Variants in FOXD1 observed in about 807,000 individuals in gnomAD.
FOXD1 encodes the protein forkhead box protein D1.
Under a neutral mutation model 2.0 loss-of-function variants are expected in FOXD1, and 4 were observed. That is an observed-to-expected ratio of 2.03 (90% CI 1.00 to 4.64). The LOEUF (loss-of-function observed/expected upper bound fraction) is 4.64, where lower values mean the gene tolerates loss of function less well. Among genes scored for constraint, FOXD1 ranks in the 30% most tolerant of loss-of-function variants. The probability of loss-of-function intolerance (pLI) is 0.01; values close to 1 mark genes in which losing one functional copy is unlikely to be tolerated. For missense variants in FOXD1, 586 were observed against 647.6 expected, an observed-to-expected ratio of 0.90 and a Z score of 1.03; for synonymous variants, 354 against 328.5, an observed-to-expected ratio of 1.08 and a Z score of -0.84.
chr5:73,448,534 C>A lies in FOXD1; in HGVS notation c.-172G>T. The A allele has an allele frequency of 4.7e-6, 1 of 213,606 alleles. No individual in the cohort carries two copies. Among genetic ancestry groups the A allele is most frequent in the Non-Finnish European group, 8.0e-6 (1 of 124,536 alleles). 13.2% of individuals were successfully genotyped at this position (213,606 alleles called of 1,614,324 possible). A position where few individuals can be genotyped will look rare whatever the true frequency, so the allele number is the denominator to read the frequency against. ...GGGCTGCCGGGTGGCGGCGGAGTCTCGCGCGCCGACTTTATAACTCCTGCG... is the reference window on the plus strand; with the variant it reads ...GGGCTGCCGGGTGGCGGCGGAGTCTAGCGCGCCGACTTTATAACTCCTGCG... On this transcript the variant is annotated 5_prime_UTR_variant, in exon 1 of 1. Transcript: ENST00000615637.
rs1166104579 is a variant in FOXD1 at position 73,446,399 on chromosome 5, A to G, written c.*566T>C. On this transcript the variant is annotated 3_prime_UTR_variant, in exon 1 of 1. Coordinates refer to ENST00000615637, the MANE Select transcript of FOXD1 (RefSeq NM_004472.3). ...ATACGCAGTAAGTACAAAAAAATCC[A>G]CACGTCTGTTATGATACAAAACACA... 6.5e-6 allele frequency: 1 copy of G among 152,986 alleles called. No individual in the cohort carries two copies. Among genetic ancestry groups the G allele is most frequent in the Non-Finnish European group, 1.5e-5 (1 of 68,306 alleles). 9.5% of individuals were successfully genotyped at this position (152,986 alleles called of 1,614,324 possible). A position where few individuals can be genotyped will look rare whatever the true frequency, so the allele number is the denominator to read the frequency against.
rs1032333106 is a variant in FOXD1, at chr5:73,448,488, G to T, written c.-126C>A. ...GCGCCACGCTGGGGGCGCTGCGACT[G>T]CGGCTGCCGGAGCTGCGCCGGGGCT... On this transcript the variant is annotated 5_prime_UTR_variant, in exon 1 of 1. Transcript: ENST00000615637. 1.9e-4 allele frequency: 93 copies of T among 477,832 alleles called. No homozygotes were observed. The highest frequency in any genetic ancestry group is 3.2e-4 in the Admixed American group (5 of 15,538). The allele number at this position is 477,832 out of a possible 1,614,324, so 29.6% of individuals were successfully genotyped here. A position where few individuals can be genotyped will look rare whatever the true frequency, so the allele number is the denominator to read the frequency against.
chr5:73,448,193 C>A lies in FOXD1; in HGVS notation c.170G>T (p.Arg57Leu). The change falls in exon 1 of 1, where the codon CGC becomes CTC. Residue 57 changes from arginine to leucine, a missense_variant. Transcript: ENST00000615637. ...AVPAQRRRRR[R>L]SYAGEDELED... is the part of the protein sequence containing the mutation. ...CAGCTCGTCCTCCCCGGCGTACGAGCGCCGCCGCCGCCGCCGCTGCGCGGG... is the reference window on the plus strand; with the variant it reads ...CAGCTCGTCCTCCCCGGCGTACGAGAGCCGCCGCCGCCGCCGCTGCGCGGG... 7.2e-7 allele frequency: 1 copy of A among 1,383,438 alleles called. No homozygotes were observed. The highest frequency in any genetic ancestry group is 9.5e-7 in the Non-Finnish European group (1 of 1,056,086). The allele number at this position is 1,383,438 out of a possible 1,614,324, so 85.7% of individuals were successfully genotyped here. A position where few individuals can be genotyped will look rare whatever the true frequency, so the allele number is the denominator to read the frequency against.
chr5:73,447,021 G>A lies in FOXD1; in HGVS notation c.1342C>T (p.Gln448Ter), dbSNP rs537272600. ...SSSAALGTLH[Q>*]GTALSSVENF... ...TCGACACTGGACAGGGCAGTCCCTTGGTGCAGAGTCCCCAAGGCGGCGGAC... is the reference window on the plus strand; with the variant it reads ...TCGACACTGGACAGGGCAGTCCCTTAGTGCAGAGTCCCCAAGGCGGCGGAC... Residue 448 changes from glutamine (Q) to a stop codon, truncating the protein, a stop_gained, in exon 1 of 1, where the codon CAA becomes TAA. Transcript: ENST00000615637. LOFTEE classifies it high-confidence loss of function. This position sits in a 1 kb window ranked among gnomAD's most constrained non-coding sequence, Gnocchi z 7.8. 6 of 1,546,446 alleles carry A rather than the reference G, an allele frequency of 3.9e-6. No individual in the cohort carries two copies. The East Asian group carries it at 1.2e-4, about 32-fold the overall frequency.
rs1213843994 is a variant in FOXD1, at chr5:73,447,421, TGGCGGGGGC to T, written c.933_941del (p.Pro313_Pro315del). ...CCAGCTCGGCGGCCGCGCCGTGCGG[TGGCGGGGGC>T]GGCGGGGGCGAGTGCGGGTGGAAGG... On this transcript the variant is annotated inframe_deletion, in exon 1 of 1. Coordinates refer to ENST00000615637, the MANE Select transcript of FOXD1 (RefSeq NM_004472.3). This position sits in a 1 kb window ranked among gnomAD's most constrained non-coding sequence, Gnocchi z 7.8. 1.4e-5 allele frequency: 14 copies of T among 976,652 alleles called. No homozygotes were observed. Among genetic ancestry groups the T allele is most frequent in the Admixed American group, 6.4e-5 (1 of 15,592 alleles). The allele number at this position is 976,652 out of a possible 1,614,324, so 60.5% of individuals were successfully genotyped here.
rs1361327227 is a variant in FOXD1, at chr5:73,447,283, C to G, written c.1080G>C (p.Ser360=). 6 of 988,522 alleles carry G rather than the reference C, an allele frequency of 6.1e-6. No homozygotes were observed. The highest frequency in any genetic ancestry group is 7.2e-6 in the Non-Finnish European group (6 of 834,488). 61.2% of individuals were successfully genotyped at this position (988,522 alleles called of 1,614,324 possible). Residue 360 remains serine (S), a synonymous_variant, in exon 1 of 1, where the codon TCG becomes TCC. Coordinates refer to ENST00000615637, the MANE Select transcript of FOXD1 (RefSeq NM_004472.3). The surrounding 1 kb of genome is among the most constrained non-coding windows in gnomAD (Gnocchi z 7.8). ...CGATGATGCTCTCGATGGAGAAGGG[C>G]GAGCGCGCCAGCGCTGAGGCGCCCG... The part of the protein sequence containing the change: ...GGPGASALAR[S]PFSIESIIGG...
At position 73,447,195 on chromosome 5, in the gene FOXD1, C is replaced by T. The variant is rs1745514862; in HGVS notation, c.1168G>A (p.Ala390Thr). ...AAAQAAAAAQ[A>T]SPSPSPVAAP... ...GCCACCGGCGAGGGCGAGGGCGAGG[C>T]CTGAGCGGCGGCGGCGGCCTGCGCG... is the stretch of plus-strand genomic sequence containing the variant. Residue 390 changes from alanine (A) to threonine (T), a missense_variant, in exon 1 of 1, where the codon GCC becomes ACC. Physicochemically the swap from Ala to Thr is moderately conservative, Grantham distance 58. This residue lies in a region of FOXD1 where 253 missense variants were observed against 234.4 expected (regional missense o/e 1.08). Transcript: ENST00000615637. The surrounding 1 kb of genome is among the most constrained non-coding windows in gnomAD (Gnocchi z 7.8). The T allele has an allele frequency of 1.0e-6, 1 of 1,002,702 alleles. No homozygotes were observed. Among genetic ancestry groups the T allele is most frequent in the Non-Finnish European group, 1.2e-6 (1 of 844,144 alleles). The allele number at this position is 1,002,702 out of a possible 1,614,324, so 62.1% of individuals were successfully genotyped here.
chr5:73,447,202 G>C lies in FOXD1; in HGVS notation c.1161C>G (p.Ala387=), dbSNP rs1363205301. 1 of 992,584 alleles carries C rather than the reference G, an allele frequency of 1.0e-6. No individual in the cohort carries two copies. The highest frequency in any genetic ancestry group is 1.2e-6 in the Non-Finnish European group (1 of 837,684). 61.5% of individuals were successfully genotyped at this position (992,584 alleles called of 1,614,324 possible). The stretch of plus-strand genomic sequence containing the variant: ...GCGAGGGCGAGGGCGAGGCCTGAGC[G>C]GCGGCGGCGGCCTGCGCGGCGGCGG... ...AAAAAAQAAA[A]AQASPSPSPV... is the part of the protein sequence containing the mutation. Residue 387 remains alanine (A), a synonymous_variant, in exon 1 of 1, where the codon GCC becomes GCG. Transcript: ENST00000615637. The surrounding 1 kb of genome is among the most constrained non-coding windows in gnomAD (Gnocchi z 7.8).
rs544029300 is a variant in FOXD1 at position 73,447,679 on chromosome 5, T to C, written c.684A>G (p.Pro228=). The C allele has an allele frequency of 2.4e-5, 38 of 1,594,322 alleles. No homozygotes were observed. In the South Asian group the frequency reaches 2.8e-4, roughly 12 times the overall value. The change falls in exon 1 of 1, where the codon CCA becomes CCG. Residue 228 remains proline, a synonymous_variant. Coordinates refer to ENST00000615637, the MANE Select transcript of FOXD1 (RefSeq NM_004472.3). The surrounding 1 kb of genome is among the most constrained non-coding windows in gnomAD (Gnocchi z 7.8). ...RKRFKRQPLL[P]PNAAAAESLL... is the part of the protein sequence containing the mutation. ...GAGACTCGGCGGCCGCGGCGTTGGG[T>C]GGGAGCAGCGGCTGCCGCTTGAAGC...
Position 73,446,758 on chromosome 5 carries a change from C to T in FOXD1, c.*207G>A, listed in dbSNP as rs1429850178. ...GGGGTTGGGGGGCTGTAGCATAGGT[C>T]GGCTTTGCATAAATAGAGGGACCCG... On this transcript the variant is annotated 3_prime_UTR_variant, in exon 1 of 1. Coordinates refer to ENST00000615637, the MANE Select transcript of FOXD1 (RefSeq NM_004472.3). The T allele has an allele frequency of 7.7e-6, 4 of 518,180 alleles. No homozygotes were observed. Among genetic ancestry groups the T allele is most frequent in the Non-Finnish European group, 1.0e-5 (3 of 287,844 alleles). 32.1% of individuals were successfully genotyped at this position (518,180 alleles called of 1,614,324 possible).
Position 73,448,517 on chromosome 5 carries a change from G to C in FOXD1, c.-155C>G, listed in dbSNP as rs1477739411. ...CTGCCGGAGCTGCGCCGGGGCTGCCGGGTGGCGGCGGAGTCTCGCGCGCCG... is the reference window on the plus strand; with the variant it reads ...CTGCCGGAGCTGCGCCGGGGCTGCCCGGTGGCGGCGGAGTCTCGCGCGCCG... On this transcript the variant is annotated 5_prime_UTR_variant, in exon 1 of 1. Transcript: ENST00000615637. The C allele has an allele frequency of 3.6e-6, 1 of 277,202 alleles. No homozygotes were observed. The highest frequency in any genetic ancestry group is 1.3e-4 in the South Asian group (1 of 7,570). 17.2% of individuals were successfully genotyped at this position (277,202 alleles called of 1,614,324 possible).
chr5:73,448,024 CCCGCCGCCGCCCGCGCCGCCGCCG>C lies in FOXD1; in HGVS notation c.315_338del (p.Gly106_Gly113del). 1 of 1,339,680 alleles carries C rather than the reference CCCGCCGCCGCCCGCGCCGCCGCCG, an allele frequency of 7.5e-7. No individual in the cohort carries two copies. Among genetic ancestry groups the C allele is most frequent in the Non-Finnish European group, 9.6e-7 (1 of 1,040,446 alleles). 83.0% of individuals were successfully genotyped at this position (1,339,680 alleles called of 1,614,324 possible). ...GGTTCTTGGCGCCGCTACCCGCGCTCCCGCCGCCGCCCGCGCCGCCGCCGCCGCCGCCCCCACCGGCTCCTGCCC... is the reference window on the plus strand; with the variant it reads ...GGTTCTTGGCGCCGCTACCCGCGCTCCCGCCGCCCCCACCGGCTCCTGCCC... On this transcript the variant is annotated inframe_deletion, in exon 1 of 1. Coordinates refer to ENST00000615637, the MANE Select transcript of FOXD1 (RefSeq NM_004472.3).
At position 73,446,669 on chromosome 5, in the gene FOXD1, C is replaced by T. The variant is rs993030999; in HGVS notation, c.*296G>A. On this transcript the variant is annotated 3_prime_UTR_variant, in exon 1 of 1. Transcript: ENST00000615637. ...TTTCATCTGCCAAACGTCAAGGGAG[C>T]CTCTAGTGCCTGGACAGGGCGGACT... 1.2e-5 allele frequency: 4 copies of T among 338,302 alleles called. No homozygotes were observed. In the Admixed American group the frequency reaches 1.5e-4, roughly 13 times the overall value. The allele number at this position is 338,302 out of a possible 1,614,324, so 21.0% of individuals were successfully genotyped here.
Position 73,447,641 on chromosome 5 carries a change from C to G in FOXD1, c.722G>C (p.Gly241Ala), listed in dbSNP as rs1255984879. The G allele has an allele frequency of 1.4e-6, 2 of 1,453,926 alleles. No homozygotes were observed. The highest frequency in any genetic ancestry group is 3.0e-5 in the African/African-American group (2 of 67,130). The allele number at this position is 1,453,926 out of a possible 1,614,324, so 90.1% of individuals were successfully genotyped here. The change falls in exon 1 of 1, where the codon GGC becomes GCC. Residue 241 changes from glycine to alanine, a missense_variant. Gly to Ala is a moderately conservative substitution (Grantham distance 60, BLOSUM62 0). This residue lies in a region of FOXD1 where 253 missense variants were observed against 234.4 expected (regional missense o/e 1.08). Coordinates refer to ENST00000615637, the MANE Select transcript of FOXD1 (RefSeq NM_004472.3). This position sits in a 1 kb window ranked among gnomAD's most constrained non-coding sequence, Gnocchi z 7.8. ...GCCCGCGCCCCCTGCGGCTCCCGCG[C>G]CGCGCAGCAGCAGAGACTCGGCGGC... is the stretch of plus-strand genomic sequence containing the variant. The part of the protein sequence containing the change: ...AAAAESLLLR[G>A]AGAAGGAGDP...
chr5:73,447,175 C>CGGCGAG lies in FOXD1; in HGVS notation c.1182_1187dup (p.Ser395_Pro396dup), dbSNP rs892625814. 4.8e-3 allele frequency: 5,098 copies of CGGCGAG among 1,063,614 alleles called. 13 individuals are homozygous for CGGCGAG. The highest frequency in any genetic ancestry group is 7.3e-3 in the Admixed American group (130 of 17,928). 65.9% of individuals were successfully genotyped at this position (1,063,614 alleles called of 1,614,324 possible). On this transcript the variant is annotated inframe_insertion, in exon 1 of 1. Coordinates refer to ENST00000615637, the MANE Select transcript of FOXD1 (RefSeq NM_004472.3). The surrounding 1 kb of genome is among the most constrained non-coding windows in gnomAD (Gnocchi z 7.8). ...ATCCGGGAGCTGGCGGCGCCGCCAC[C>CGGCGAG]GGCGAGGGCGAGGGCGAGGCCTGAG...
In FOXD1 at chr5:73,446,855, G is replaced by T; in HGVS notation, c.*110C>A. ...TTCGCAGCGGCGAAAATGGGCGCGC[G>T]AGGTCGAGAGGGGCCGCGCCTGGAG... On this transcript the variant is annotated 3_prime_UTR_variant, in exon 1 of 1. Transcript: ENST00000615637. The T allele has an allele frequency of 2.1e-6, 2 of 942,564 alleles. No individual in the cohort carries two copies. Among genetic ancestry groups the T allele is most frequent in the South Asian group, 1.4e-5 (1 of 69,254 alleles). The allele number at this position is 942,564 out of a possible 1,614,324, so 58.4% of individuals were successfully genotyped here. A position where few individuals can be genotyped will look rare whatever the true frequency, so the allele number is the denominator to read the frequency against.
Position 73,447,800 on chromosome 5 carries a change from C to G in FOXD1, c.563G>C (p.Arg188Pro). ...GCCCTTGCCCGGGTTGCCGGGCTCG[C>G]GGGGGATCTTGACGAAGCAGTCGTT... ...SLNDCFVKIP[R>P]EPGNPGKGNY... The change falls in exon 1 of 1, where the codon CGC becomes CCC. Residue 188 changes from arginine (R) to proline (P), a missense_variant. This residue lies in a region of FOXD1 where 104 missense variants were observed against 175.4 expected (regional missense o/e 0.59). Coordinates refer to ENST00000615637, the MANE Select transcript of FOXD1 (RefSeq NM_004472.3). This position sits in a 1 kb window ranked among gnomAD's most constrained non-coding sequence, Gnocchi z 7.8. 6.2e-7 allele frequency: 1 copy of G among 1,610,350 alleles called. No individual in the cohort carries two copies. The highest frequency in any genetic ancestry group is 1.1e-5 in the South Asian group (1 of 90,810).
rs1398228326 is a variant in FOXD1 at position 73,447,232 on chromosome 5, A to G, written c.1131T>C (p.Ala377=). The change falls in exon 1 of 1, where the codon GCT becomes GCC. Residue 377 remains alanine (A), a synonymous_variant. Transcript: ENST00000615637. The surrounding 1 kb of genome is among the most constrained non-coding windows in gnomAD (Gnocchi z 7.8). ...CGGCGGCCTGCGCGGCGGCGGCGGC[A>G]GCGGCGGCCGGGCCCAAGCTGCCCC... The part of the protein sequence containing the change: ...IIGGSLGPAA[A]AAAAAQAAAA... 10 of 984,332 alleles carry G rather than the reference A, an allele frequency of 1.0e-5. No homozygotes were observed. The African/African-American group carries it at 1.5e-4, about 14-fold the overall frequency. The allele number at this position is 984,332 out of a possible 1,614,324, so 61.0% of individuals were successfully genotyped here. A position where few individuals can be genotyped will look rare whatever the true frequency, so the allele number is the denominator to read the frequency against.
In FOXD1 at chr5:73,448,371, C is replaced by G; in HGVS notation, c.-9G>C. 1 of 1,253,256 alleles carries G rather than the reference C, an allele frequency of 8.0e-7. No individual in the cohort carries two copies. The highest frequency in any genetic ancestry group is 1.0e-6 in the Non-Finnish European group (1 of 983,288). The allele number at this position is 1,253,256 out of a possible 1,614,324, so 77.6% of individuals were successfully genotyped here. A position where few individuals can be genotyped will look rare whatever the true frequency, so the allele number is the denominator to read the frequency against. On this transcript the variant is annotated 5_prime_UTR_variant, in exon 1 of 1. Coordinates refer to ENST00000615637, the MANE Select transcript of FOXD1 (RefSeq NM_004472.3). Reference sequence around the variant, plus strand: ...TCAGTGCTCAGGGTCATAGCTGTGGCGCGGCGGCGGCGGGGCGGCGCATGG... The same window carrying G: ...TCAGTGCTCAGGGTCATAGCTGTGGGGCGGCGGCGGCGGGGCGGCGCATGG...
Sources: gnomAD v4.1 joint callset for allele counts on GRCh38, gnomAD v4.1.1 for gene constraint, gnomAD v4.1.1 regional missense constraint, Gnocchi (gnomAD v3.1) non-coding constraint, MANE v1.5 for transcripts, NCBI Gene and HGNC (gene_info 2026-07-23, HGNC 2026-07-21) for gene names.